Variants in PCLO observed in about 807,000 individuals in gnomAD.
PCLO encodes the protein protein piccolo.
PCLO carries 82 observed loss-of-function variants against 427.5 expected under a neutral mutation model. The ratio of observed to expected loss-of-function variants is 0.19; its 90% CI spans 0.16 to 0.23. The LOEUF (loss-of-function observed/expected upper bound fraction) is 0.23. PCLO is among the 10% of genes least tolerant of loss of function. The probability of loss-of-function intolerance (pLI) is 1.00; values close to 1 mark genes in which losing one functional copy is unlikely to be tolerated. For synonymous variants in PCLO, 2,357 were observed against 2,155.4 expected, an observed-to-expected ratio of 1.09 and a Z score of -2.59; for missense variants, 6,239 against 6,115.9, an observed-to-expected ratio of 1.02 and a Z score of -0.67.
chr7:82,861,608 A>T (rs2115915762), intron 10 of PCLO, among the ~76,000 whole-genome samples: 1 of 152,072 alleles, frequency 6.6e-6, no homozygotes. Context: ...ATGAGACTTA[A>T]TCTACACTAT....
intron 22 of PCLO, among the ~76,000 whole-genome samples, chr7:82,773,663 A>G (rs1790690297): frequency 6.6e-6 from 1 of 150,806 alleles, no homozygotes; most frequent in Non-Finnish European, 1.5e-5. Flanking sequence ...CTGTCATGCT[A>G]GATGAAAGAG....
chr7:83,091,034 T>C (rs1044070530), intron 3 of PCLO, among the ~76,000 whole-genome samples: 8 of 152,128 alleles, frequency 5.3e-5, no homozygotes, highest in South Asian at 2.1e-4. Context: ...TTAATGAGCA[T>C]TGAAGTATGC....
Position 82,805,761 on chromosome 7 carries a change from T to A in PCLO, c.14860A>T (p.Ser4954Cys). 3 of 1,611,864 alleles carry A rather than the reference T, an allele frequency of 1.9e-6. No homozygotes were observed. Among genetic ancestry groups the A allele is most frequent in the Non-Finnish European group, 2.5e-6 (3 of 1,179,000 alleles). Residue 4954 changes from serine (S) to cysteine (C), a missense_variant, in exon 21 of 25, where the codon AGT (serine) becomes TGT (cysteine). Physicochemically the swap from Ser to Cys is moderately radical, Grantham distance 112. This residue lies in a region of PCLO where 877 missense variants were observed against 925.5 expected (regional missense o/e 0.95). Transcript: ENST00000333891. Reference sequence around the variant, plus strand: ...CCTTCACTGTCCACGCTATACCCACTGCCAAAGCTGCTGCCCGAGGAGCCG... The same window carrying A: ...CCTTCACTGTCCACGCTATACCCACAGCCAAAGCTGCTGCCCGAGGAGCCG... ...STGSSGSSFG[S>C]GYSVDSEGSS...
intron 3 of PCLO, among the ~76,000 whole-genome samples, chr7:82,999,075 A>G (rs1188195606): frequency 6.7e-6 from 1 of 150,138 alleles, no homozygotes; most frequent in African/African-American, 2.4e-5. Flanking sequence ...TATATGGGAT[A>G]GTGGGCAAAT....
chr7:82,855,581 C>T (rs567874651), intron 10 of PCLO, among the ~76,000 whole-genome samples: 2 of 152,160 alleles, frequency 1.3e-5, no homozygotes, highest in Middle Eastern at 3.4e-3. Context: ...TATTTGGAGG[C>T]TTGGACATGC....
intron 20 of PCLO, among the ~76,000 whole-genome samples, chr7:82,808,267 T>C (rs1791497723): frequency 6.6e-6 from 1 of 151,842 alleles, no homozygotes; most frequent in Non-Finnish European, 1.5e-5. Flanking sequence ...TTTATATTTA[T>C]TAAATTAAAA....
chr7:82,839,328 T>C (rs1391850360), intron 14 of PCLO, among the ~76,000 whole-genome samples: 2 of 152,078 alleles, frequency 1.3e-5, no homozygotes, highest in Non-Finnish European at 2.9e-5. Context: ...ATGAAATAAA[T>C]CCTCATTTTA....
intron 22 of PCLO, among the ~76,000 whole-genome samples, chr7:82,764,813 T>C (rs575011261): frequency 3.8e-4 from 48 of 126,144 alleles, no homozygotes; most frequent in African/African-American, 1.2e-3. Context: ...TGCAAGAATA[T>C]AGAGGATTTG....
chr7:83,025,634 C>T (rs1788473639), intron 3 of PCLO, among the ~76,000 whole-genome samples: 1 of 151,700 alleles, frequency 6.6e-6, no homozygotes, highest in Admixed American at 6.6e-5. Flanking sequence ...AGAAGAGCAA[C>T]TCCAAGACAC....
At chr7:83,146,050 A>C (rs1017272252) in intron 2 of PCLO, among the ~76,000 whole-genome samples, 1 of 152,232 alleles carries the variant, frequency 6.6e-6, no homozygotes, top group African/African-American at 2.4e-5. Flanking sequence ...TTAAAAGAGC[A>C]TAAAATGACG....
At chr7:82,894,533 C>G (rs1407124150) in intron 9 of PCLO, 1 of 152,152 alleles carries the variant, frequency 6.6e-6, no homozygotes, top group Non-Finnish European at 1.5e-5. Flanking sequence ...GAGACTTATT[C>G]ACTATCATGA....
intron 3 of PCLO, among the ~76,000 whole-genome samples, chr7:83,057,331 T>TATATATATATATATATAC (rs1789410027): frequency 5.9e-5 from 1 of 16,874 alleles, no homozygotes; most frequent in Admixed American, 7.1e-4. Context: ...TATATATATA[T>TATATATATATATATATAC]ATATATATAT....
Position 82,966,435 on chromosome 7 carries a change from T to C in PCLO, c.3353A>G (p.Gln1118Arg), listed in dbSNP as rs993611343. 4.4e-6 allele frequency: 7 copies of C among 1,601,222 alleles called. No homozygotes were observed. Among genetic ancestry groups the C allele is most frequent in the Non-Finnish European group, 5.9e-6 (7 of 1,176,576 alleles). ...TGGCATTTTGCGTATGTCTCCAAGC[T>C]GTCCTGATATTGCTCTCTGGGTTTG... ...NCQTQRAISGQLGDIRKMPPA... is the reference protein window; with the variant it reads ...NCQTQRAISGRLGDIRKMPPA... Residue 1118 changes from glutamine (Q) to arginine (R), a missense_variant, in exon 4 of 25, where the codon CAG (glutamine) becomes CGG (arginine). Coordinates refer to ENST00000333891, the MANE Select transcript of PCLO (RefSeq NM_033026.6).
chr7:83,026,499 A>C (rs1168710961), intron 3 of PCLO, among the ~76,000 whole-genome samples: 2 of 152,068 alleles, frequency 1.3e-5, no homozygotes, highest in Non-Finnish European at 2.9e-5. Context: ...CCCACACATT[A>C]ATAATGGGAG....
At chr7:82,766,652 A>T (rs1313806875) in intron 22 of PCLO, among the ~76,000 whole-genome samples, 1 of 152,160 alleles carries the variant, frequency 6.6e-6, no homozygotes, top group Non-Finnish European at 1.5e-5. Flanking sequence ...GACAAATTTT[A>T]TCTGGGAGAA....
chr7:82,920,073 G>C (rs912721884), intron 6 of PCLO, among the ~76,000 whole-genome samples: 1 of 151,554 alleles, frequency 6.6e-6, no homozygotes, highest in African/African-American at 2.4e-5. Context: ...AATTCAAAAA[G>C]AACTGACTCT....
intron 3 of PCLO, among the ~76,000 whole-genome samples, chr7:83,040,010 T>C (rs1788932719): frequency 1.3e-5 from 2 of 152,312 alleles, no homozygotes; most frequent in African/African-American, 4.8e-5. Flanking sequence ...TCAAAAATAT[T>C]GTTATTCTGC....
At chr7:82,782,755 C>A (rs1327302670) in intron 22 of PCLO, among the ~76,000 whole-genome samples, 1 of 152,166 alleles carries the variant, frequency 6.6e-6, no homozygotes, top group African/African-American at 2.4e-5. Flanking sequence ...CAAAACTCTT[C>A]TAAAGTTTCC....
intron 2 of PCLO, among the ~76,000 whole-genome samples, chr7:83,143,093 T>C (rs1028671079): frequency 6.6e-6 from 1 of 152,220 alleles, no homozygotes; most frequent in African/African-American, 2.4e-5. Context: ...AAAATACTTA[T>C]TGAAGACCTT....
Sources: allele counts gnomAD v4.1 joint callset (sites outside exome capture counted in the v4.1 genomes callset), GRCh38; gene constraint gnomAD v4.1.1; regional missense constraint gnomAD v4.1.1; transcripts MANE v1.5; gene names NCBI Gene and HGNC (gene_info 2026-07-23, HGNC 2026-07-21).